Variants in CTNNBIP1 observed in about 807,000 individuals in gnomAD.
The protein encoded by CTNNBIP1 is catenin beta interacting protein 1, also known as beta-catenin-interacting protein 1.
CTNNBIP1 carries 7 observed loss-of-function variants against 11.8 expected under a neutral mutation model. That is an observed-to-expected ratio of 0.60 (90% CI 0.34 to 1.12). CTNNBIP1 has a LOEUF of 1.12. CTNNBIP1 is among the 50% of genes most tolerant of loss of function. The pLI is 0.03. For synonymous variants in CTNNBIP1, 58 were observed against 43.9 expected (o/e 1.32, Z -1.26); for missense variants, 101 against 113.4 (o/e 0.89, Z 0.50).
chr1:9,854,113 G>A (rs563492242), intron 5 of CTNNBIP1, among the ~76,000 whole-genome samples: 6 of 152,182 alleles, frequency 3.9e-5, no homozygotes, highest in Non-Finnish European at 8.8e-5. Flanking sequence ...AGTGGCTCAC[G>A]CCTGTAATCC....
At chr1:9,895,837 A>AGGCT (rs1639398524) in intron 1 of CTNNBIP1, among the ~76,000 whole-genome samples, 3 of 152,088 alleles carry the variant, frequency 2.0e-5, no homozygotes, top group Admixed American at 2.0e-4. Flanking sequence ...TATGTTGCCC[A>AGGCT]GGCTGGTCTT....
intron 1 of CTNNBIP1, among the ~76,000 whole-genome samples, chr1:9,909,883 A>G (rs1231128032): frequency 2.0e-5 from 3 of 151,864 alleles, no homozygotes; most frequent in African/African-American, 7.3e-5. Context: ...CCCCGGGCGA[A>G]GAGTCAGGGA....
In CTNNBIP1 at chr1:9,883,409, G is replaced by A. The variant is rs375401120; in HGVS notation, c.-110+296C>T. On this transcript the variant is annotated intron_variant, in intron 2 of 5. Coordinates refer to ENST00000377263, the MANE Select transcript of CTNNBIP1 (RefSeq NM_020248.3). The surrounding 1 kb of genome is among the most constrained non-coding windows in gnomAD (Gnocchi z 5.6). ...CAGTGGGTTTTCTATGAAGGAGGCA[G>A]AGCAGGGCAGGGGAGAGGTCCACCT... 1.3e-4 allele frequency among the ~76,000 whole-genome samples: 20 copies of A among 151,914 alleles called. No homozygotes were observed. In the East Asian group the frequency reaches 3.5e-3, roughly 27 times the overall value.
Position 9,850,631 on chromosome 1 carries a change from G to C in CTNNBIP1, c.*87C>G. 1 of 1,252,886 alleles carries C rather than the reference G, an allele frequency of 8.0e-7. No individual in the cohort carries two copies. Among genetic ancestry groups the C allele is most frequent in the Non-Finnish European group, 1.2e-6 (1 of 852,804 alleles). 77.6% of individuals were successfully genotyped at this position (1,252,886 alleles called of 1,614,324 possible). ...GTAGGGGAAGGGGGAGGTGGGGCAA[G>C]GGGGGCTGCTGCCACTCAGCCGGCC... On this transcript the variant is annotated 3_prime_UTR_variant, in exon 6 of 6. Coordinates refer to ENST00000377263, the MANE Select transcript of CTNNBIP1 (RefSeq NM_020248.3).
At chr1:9,869,414 C>T (rs985232098) in intron 5 of CTNNBIP1, among the ~76,000 whole-genome samples, 7 of 152,114 alleles carry the variant, frequency 4.6e-5, no homozygotes, top group African/African-American at 1.7e-4. Context: ...GCTCTGCTGC[C>T]CAGGCTGGAG....
Position 9,851,622 on chromosome 1 carries a change from C to T in CTNNBIP1, c.188-846G>A, listed in dbSNP as rs1006099796. 3.3e-5 allele frequency among the ~76,000 whole-genome samples: 5 copies of T among 152,182 alleles called. No individual in the cohort carries two copies. Among genetic ancestry groups the T allele is most frequent in the African/African-American group, 7.2e-5 (3 of 41,432 alleles). The stretch of plus-strand genomic sequence containing the variant: ...TCCTGACCTCATGATCCACCCACCT[C>T]GGCCTCCCAAAGTGCTGGGATTATA... On this transcript the variant is annotated intron_variant, in intron 5 of 5. Coordinates refer to ENST00000377263, the MANE Select transcript of CTNNBIP1 (RefSeq NM_020248.3). The surrounding 1 kb of genome is among the most constrained non-coding windows in gnomAD (Gnocchi z 4.8).
intron 1 of CTNNBIP1, among the ~76,000 whole-genome samples, chr1:9,888,789 G>A (rs951691456): frequency 3.3e-5 from 5 of 152,172 alleles, no homozygotes; most frequent in Admixed American, 6.5e-5. Context: ...TGCACACTCC[G>A]AGATCAGAGT....
At chr1:9,869,363 GGTTTT>G (rs1164087483) in intron 5 of CTNNBIP1, among the ~76,000 whole-genome samples, 10 of 150,980 alleles carry the variant, frequency 6.6e-5, no homozygotes, top group South Asian at 2.1e-4. Context: ...TTGTTGCTGG[GGTTTT>G]GTTTTGTTTT....
In CTNNBIP1 at chr1:9,848,976, C is replaced by T. The variant is rs1638319933; in HGVS notation, c.*1742G>A. 1 of 152,276 alleles carries T rather than the reference C, an allele frequency of 6.6e-6. No individual in the cohort carries two copies. Among genetic ancestry groups the T allele is most frequent in the South Asian group, 2.1e-4 (1 of 4,832 alleles). The allele number at this position is 152,276 out of a possible 1,614,324, so 9.4% of individuals were successfully genotyped here. ...CCCCTACGGCCCGAGCCCCAAGCCCCGAGAAAGGGGAAAGATTTGGTTCTG... is the reference window on the plus strand; with the variant it reads ...CCCCTACGGCCCGAGCCCCAAGCCCTGAGAAAGGGGAAAGATTTGGTTCTG... On this transcript the variant is annotated 3_prime_UTR_variant, in exon 6 of 6. Transcript: ENST00000377263. This position sits in a 1 kb window ranked among gnomAD's most constrained non-coding sequence, Gnocchi z 4.3.
rs180922155 is a variant in CTNNBIP1, at chr1:9,850,364, C to G, written c.*354G>C. The G allele has an allele frequency of 4.8e-6, 1 of 208,894 alleles. No individual in the cohort carries two copies. The highest frequency in any genetic ancestry group is 1.2e-4 in the East Asian group (1 of 8,578). 12.9% of individuals were successfully genotyped at this position (208,894 alleles called of 1,614,324 possible). ...TTCTAAAAAAATGACCTAACTAAAGCACCAGAGCTCGGAGAGCTTCCAGGG... is the reference window on the plus strand; with the variant it reads ...TTCTAAAAAAATGACCTAACTAAAGGACCAGAGCTCGGAGAGCTTCCAGGG... On this transcript the variant is annotated 3_prime_UTR_variant, in exon 6 of 6. Transcript: ENST00000377263.
At chr1:9,870,016 C>G (rs758251907) in intron 5 of CTNNBIP1, among the ~76,000 whole-genome samples, 11 of 152,250 alleles carry the variant, frequency 7.2e-5, no homozygotes, top group Non-Finnish European at 1.3e-4. Context: ...AGGGAGCTGC[C>G]TGAGCCACTG....
intron 5 of CTNNBIP1, among the ~76,000 whole-genome samples, chr1:9,866,883 A>G (rs1249025060): frequency 2.6e-5 from 4 of 151,996 alleles, no homozygotes; most frequent in Non-Finnish European, 4.4e-5. Flanking sequence ...GAGAGAATGA[A>G]GCAGGTCTGG....
Position 9,850,456 on chromosome 1 carries a change from T to A in CTNNBIP1, c.*262A>T, listed in dbSNP as rs1638356305. 2.5e-6 allele frequency: 1 copy of A among 393,516 alleles called. No individual in the cohort carries two copies. The highest frequency in any genetic ancestry group is 2.0e-5 in the African/African-American group (1 of 48,928). 24.4% of individuals were successfully genotyped at this position (393,516 alleles called of 1,614,324 possible). A position where few individuals can be genotyped will look rare whatever the true frequency, so the allele number is the denominator to read the frequency against. ...CAGAAATAAAAATAAAAGGTTTCTG[T>A]TGGTCAAGATTTAAAAAATAAAAAA... On this transcript the variant is annotated 3_prime_UTR_variant, in exon 6 of 6. Coordinates refer to ENST00000377263, the MANE Select transcript of CTNNBIP1 (RefSeq NM_020248.3).
At chr1:9,858,379 G>A (rs1638552593) in intron 5 of CTNNBIP1, among the ~76,000 whole-genome samples, 1 of 152,100 alleles carries the variant, frequency 6.6e-6, no homozygotes, top group Non-Finnish European at 1.5e-5. Flanking sequence ...TGGCCTGCAG[G>A]ACCCACACAC....
chr1:9,909,471 G>C (rs1375370082), intron 1 of CTNNBIP1, among the ~76,000 whole-genome samples: 1 of 152,202 alleles, frequency 6.6e-6, no homozygotes, highest in Non-Finnish European at 1.5e-5. Flanking sequence ...GTCCAGACCT[G>C]AGTGTCTCGG....
chr1:9,881,839 C>T (rs1001966723), intron 2 of CTNNBIP1, among the ~76,000 whole-genome samples: 5 of 152,174 alleles, frequency 3.3e-5, no homozygotes, highest in African/African-American at 7.2e-5. Context: ...CTGAACCAGG[C>T]TTGGGGAGCA....
chr1:9,885,665 C>G (rs978332715), intron 1 of CTNNBIP1, among the ~76,000 whole-genome samples: 1 of 150,598 alleles, frequency 6.6e-6, no homozygotes, highest in Non-Finnish European at 1.5e-5. Flanking sequence ...AAAAAGAGGA[C>G]AGGTGCGGTG....
In CTNNBIP1 at chr1:9,873,768, T is replaced by C. The variant is rs559592457; in HGVS notation, c.-24-1680A>G. 3.3e-5 allele frequency among the ~76,000 whole-genome samples: 5 copies of C among 152,290 alleles called. No homozygotes were observed. In the South Asian group the frequency reaches 1.0e-3, roughly 32 times the overall value. Reference sequence around the variant, plus strand: ...ATTATTTTTTGACACAGGGTCTCCCTCTGTCGCCCAGGCTGGAGTGTAGTG... The same window carrying C: ...ATTATTTTTTGACACAGGGTCTCCCCCTGTCGCCCAGGCTGGAGTGTAGTG... On this transcript the variant is annotated intron_variant, in intron 3 of 5. Transcript: ENST00000377263.
intron 1 of CTNNBIP1, among the ~76,000 whole-genome samples, chr1:9,891,733 G>A (rs1012565380): frequency 2.0e-5 from 3 of 151,022 alleles, no homozygotes. Context: ...CTTGAGGCCT[G>A]GACTTCAAAA....
Sources: gnomAD v4.1 joint callset for allele counts (sites outside exome capture counted in the v4.1 genomes callset) on GRCh38, gnomAD v4.1.1 for gene constraint, Gnocchi (gnomAD v3.1) non-coding constraint, MANE v1.5 for transcripts, NCBI Gene and HGNC (gene_info 2026-07-23, HGNC 2026-07-21) for gene names.